Variants in PTPRF observed in about 807,000 individuals in gnomAD.
PTPRF encodes protein tyrosine phosphatase receptor type F.
A neutral mutation model predicts 201.8 loss-of-function variants in PTPRF; 59 were observed. The observed-to-expected ratio is 0.29, with a 90% CI of 0.24 to 0.36. The LOEUF is 0.36. Among genes scored for constraint, PTPRF ranks in the 10% least tolerant of loss-of-function variants. The probability of loss-of-function intolerance (pLI) is 1.00; values close to 1 mark genes in which losing one functional copy is unlikely to be tolerated. For synonymous variants in PTPRF, 1,088 were observed against 1,089.7 expected (o/e 1.00, Z 0.03); for missense variants, 2,132 against 2,690.5 (o/e 0.79, Z 4.59).
chr1:43,603,794 G>A lies in PTPRF; in HGVS notation c.2642G>A (p.Gly881Asp), dbSNP rs1654377707. 2 of 1,613,992 alleles carry A rather than the reference G, an allele frequency of 1.2e-6. No individual in the cohort carries two copies. The highest frequency in any genetic ancestry group is 1.3e-5 in the African/African-American group (1 of 74,954). Residue 881 changes from glycine to aspartate, a missense_variant, in exon 16 of 34, where the codon GGC (glycine) becomes GAC (aspartate). Gly to Asp is a moderately conservative substitution (Grantham distance 94, BLOSUM62 -1). Transcript: ENST00000359947. This position sits in a 1 kb window ranked among gnomAD's most constrained non-coding sequence, Gnocchi z 5.8. Reference sequence around the variant, plus strand: ...GATGACCAGCACTTCACAGTCACCGGCCTGCACAAGGGGACCACCTACATC... The same window carrying A: ...GATGACCAGCACTTCACAGTCACCGACCTGCACAAGGGGACCACCTACATC... The part of the protein sequence containing the change: ...GKDDQHFTVT[G>D]LHKGTTYIFR...
chr1:43,532,359 C>T (rs1425229916), intron 1 of PTPRF, among the ~76,000 whole-genome samples: 1 of 152,188 alleles, frequency 6.6e-6, no homozygotes, highest in Non-Finnish European at 1.5e-5. Context: ...AGGGAGGCTG[C>T]CCCAGCCTGG....
chr1:43,591,681 A>G, intron 9 of PTPRF, 128 bp downstream of exon 9: 1 of 1,446,836 alleles, frequency 6.9e-7, no homozygotes. Flanking sequence ...GCCGTATTCC[A>G]TAGATGTGTG....
intron 6 of PTPRF, among the ~76,000 whole-genome samples, chr1:43,570,924 A>G (rs1646525355): frequency 6.6e-6 from 1 of 152,260 alleles, no homozygotes; most frequent in Non-Finnish European, 1.5e-5. Context: ...CACAGCGGCC[A>G]GCACGGTTCG....
upstream of PTPRF, among the ~76,000 whole-genome samples, chr1:43,527,809 C>A (rs961932105): frequency 5.3e-5 from 8 of 152,302 alleles, no homozygotes; most frequent in Admixed American, 4.6e-4. Context: ...ACACCACGAG[C>A]CCCTCTTCTA....
At chr1:43,620,693 T>G in intron 31 of PTPRF, 114 bp downstream of exon 31, 1 of 1,537,942 alleles carries the variant, frequency 6.5e-7, no homozygotes, top group Non-Finnish European at 8.8e-7. Context: ...TGGGTGGGTA[T>G]TAGGGTGTGA....
chr1:43,568,381 C>T (rs1281294141), intron 5 of PTPRF, among the ~76,000 whole-genome samples: 1 of 152,092 alleles, frequency 6.6e-6, no homozygotes, highest in Non-Finnish European at 1.5e-5. Flanking sequence ...AAGGGAGTTC[C>T]CGACTCTAGT....
chr1:43,531,613 C>T (rs980849748), intron 1 of PTPRF, among the ~76,000 whole-genome samples: 2 of 149,830 alleles, frequency 1.3e-5, no homozygotes, highest in African/African-American at 4.9e-5. Context: ...GCCCGGGTCT[C>T]GCTCGCGGCC....
rs374319987 is a variant in PTPRF at position 43,542,007 on chromosome 1, C to T, written c.-45-3024C>T. On this transcript the variant is annotated intron_variant, in intron 2 of 33. Transcript: ENST00000359947. The surrounding 1 kb of genome is among the most constrained non-coding windows in gnomAD (Gnocchi z 5.2). ...CTGTGAACACCGTTGCATGGATTCA[C>T]AAGATGCTCAACCTCGCAACCGCAG... is the stretch of plus-strand genomic sequence containing the variant. Among the ~76,000 whole-genome samples, 4 of 152,210 alleles carry T rather than the reference C, an allele frequency of 2.6e-5. No individual in the cohort carries two copies. Among genetic ancestry groups the T allele is most frequent in the African/African-American group, 7.2e-5 (3 of 41,446 alleles).
At chr1:43,610,132 T>G (rs569171824) in intron 22 of PTPRF, among the ~76,000 whole-genome samples, 7 of 152,224 alleles carry the variant, frequency 4.6e-5, no homozygotes, top group Non-Finnish European at 7.4e-5. Context: ...CCCTCCTTCT[T>G]CCTTTTGACG....
chr1:43,590,695 G>A (rs888653256), intron 8 of PTPRF, among the ~76,000 whole-genome samples: 3 of 152,226 alleles, frequency 2.0e-5, no homozygotes, highest in African/African-American at 7.2e-5. Flanking sequence ...GATGAGTCTG[G>A]TGTGCTGATG....
At chr1:43,543,167 C>A (rs1049978583) in intron 2 of PTPRF, among the ~76,000 whole-genome samples, 4 of 152,188 alleles carry the variant, frequency 2.6e-5, no homozygotes, top group African/African-American at 7.2e-5. Context: ...GCATAGGATA[C>A]CAGATGTGTC....
At position 43,603,341 on chromosome 1, in the gene PTPRF, G is replaced by A; in HGVS notation, c.2341-75G>A. 1.5e-6 allele frequency: 2 copies of A among 1,349,058 alleles called. No homozygotes were observed. Among genetic ancestry groups the A allele is most frequent in the East Asian group, 4.6e-5 (2 of 43,460 alleles). The allele number at this position is 1,349,058 out of a possible 1,614,324, so 83.6% of individuals were successfully genotyped here. On this transcript the variant is annotated intron_variant, in intron 14 of 33. Coordinates refer to ENST00000359947, the MANE Select transcript of PTPRF (RefSeq NM_002840.5). This position sits in a 1 kb window ranked among gnomAD's most constrained non-coding sequence, Gnocchi z 5.8. ...GCCCCGGGGCTCCCCTCAGGCTAGG[G>A]TCCTGAGGTCCCTGACAAGGTCTGG...
chr1:43,534,309 T>A (rs1472527822), intron 1 of PTPRF, among the ~76,000 whole-genome samples: 4 of 151,330 alleles, frequency 2.6e-5, no homozygotes, highest in Non-Finnish European at 4.4e-5. Context: ...GAGGGTGGAG[T>A]GTGCTGTGGT....
rs975125285 is a variant in PTPRF, at chr1:43,565,593, C to T, written c.380-3997C>T. On this transcript the variant is annotated intron_variant, in intron 5 of 33. Transcript: ENST00000359947. ...CTTCTCCTTCCGTCCAGGGCACCCT[C>T]TTATCAGGCCATGGCCCTGAGACGC... Among the ~76,000 whole-genome samples, 6 of 152,260 alleles carry T rather than the reference C, an allele frequency of 3.9e-5. 1 individual carries two copies. In the South Asian group the frequency reaches 1.2e-3, roughly 31 times the overall value.
At chr1:43,565,838 G>T (rs2153984355) in intron 5 of PTPRF, among the ~76,000 whole-genome samples, 2 of 152,236 alleles carry the variant, frequency 1.3e-5, no homozygotes, top group South Asian at 4.1e-4. Flanking sequence ...GACAGCGGAC[G>T]CGCGCGCCTG....
At chr1:43,583,908 A>G (rs555766053) in intron 7 of PTPRF, among the ~76,000 whole-genome samples, 1 of 152,294 alleles carries the variant, frequency 6.6e-6, no homozygotes, top group African/African-American at 2.4e-5. Context: ...GACATTCCTT[A>G]GCTTGATGCT....
In PTPRF at chr1:43,580,771, A is replaced by G. The variant is rs116779593; in HGVS notation, c.679+1851A>G. Among the ~76,000 whole-genome samples the G allele has an allele frequency of 3.9e-3, 591 of 152,270 alleles. 6 individuals are homozygous for G. The highest frequency in any genetic ancestry group is 0.014 in the African/African-American group (562 of 41,554). ...TGCTCTCTAGAGCTCTGCTCACAAG[A>G]CTGTAGGGTCGAGAGTGGCAGTTCC... On this transcript the variant is annotated intron_variant, in intron 7 of 33. Coordinates refer to ENST00000359947, the MANE Select transcript of PTPRF (RefSeq NM_002840.5).
Position 43,622,253 on chromosome 1 carries a change from C to G in PTPRF, c.*250C>G. ...CTGTCCACCAGACCCACCTGGAGCC[C>G]GCTTCAAGCTCTCTGTTGCGCTCCC... On this transcript the variant is annotated 3_prime_UTR_variant, in exon 34 of 34. Transcript: ENST00000359947. The G allele has an allele frequency of 1.9e-6, 1 of 524,292 alleles. No individual in the cohort carries two copies. The highest frequency in any genetic ancestry group is 3.2e-5 in the East Asian group (1 of 31,354). The allele number at this position is 524,292 out of a possible 1,614,324, so 32.5% of individuals were successfully genotyped here.
chr1:43,567,033 A>ACTTCC (rs908530550), intron 5 of PTPRF, among the ~76,000 whole-genome samples: 1 of 152,180 alleles, frequency 6.6e-6, no homozygotes, highest in Non-Finnish European at 1.5e-5. Flanking sequence ...ACACATTTGT[A>ACTTCC]CTTCCCTTCC....
Sources: gnomAD v4.1 joint callset for allele counts (sites outside exome capture counted in the v4.1 genomes callset) on GRCh38, gnomAD v4.1.1 for gene constraint, Gnocchi (gnomAD v3.1) non-coding constraint, MANE v1.5 for transcripts, NCBI Gene and HGNC (gene_info 2026-07-23, HGNC 2026-07-21) for gene names.